Variants in GLIS1 observed in about 807,000 individuals in gnomAD.
GLIS1 encodes the protein zinc finger protein GLIS1.
Under a neutral mutation model 63.8 loss-of-function variants are expected in GLIS1, and 24 were observed. The observed-to-expected ratio is 0.38, with a 90% CI of 0.27 to 0.53. GLIS1 has a LOEUF of 0.53. GLIS1 is among the 20% of genes least tolerant of loss of function. The pLI, the probability that GLIS1 is intolerant of heterozygous loss-of-function variation, is 0.85. For synonymous variants in GLIS1, 450 were observed against 482.5 expected (o/e 0.93, Z 0.88); for missense variants, 1,036 against 1,074.1 (o/e 0.96, Z 0.50).
intron 4 of GLIS1, among the ~76,000 whole-genome samples, chr1:53,564,750 A>G (rs1035030284): frequency 2.6e-5 from 4 of 152,102 alleles, no homozygotes; most frequent in African/African-American, 9.6e-5. Context: ...ATTATTAGGG[A>G]TAGATTGATT....
At chr1:53,701,260 A>G (rs2088745269) in intron 2 of GLIS1, among the ~76,000 whole-genome samples, 1 of 152,178 alleles carries the variant, frequency 6.6e-6, no homozygotes, top group Non-Finnish European at 1.5e-5. Context: ...AAGGATTCCA[A>G]TTGTTCTACA....
chr1:53,513,697 T>G (rs1485428032), intron 8 of GLIS1, among the ~76,000 whole-genome samples: 1 of 152,180 alleles, frequency 6.6e-6, no homozygotes, highest in Non-Finnish European at 1.5e-5. Context: ...GCCAGAGTCA[T>G]CGAGGCACCA....
At position 53,594,940 on chromosome 1, in the gene GLIS1, T is replaced by G. The variant is rs61747131; in HGVS notation, c.488A>C (p.Gln163Pro). 8,304 of 1,483,544 alleles carry G rather than the reference T, an allele frequency of 5.6e-3. 361 individuals carry two copies. In the African/African-American group the frequency reaches 0.1, roughly 19 times the overall value. 91.9% of individuals were successfully genotyped at this position (1,483,544 alleles called of 1,614,324 possible). The change falls in exon 4 of 11, where the codon CAA (glutamine) becomes CCA (proline). Residue 163 changes from glutamine to proline, a missense_variant. Coordinates refer to ENST00000628545, the MANE Select transcript of GLIS1 (RefSeq NM_001367484.1). The part of the protein sequence containing the change: ...TYVNGSLPTT[Q>P]HIKQESLPDY... Reference sequence around the variant, plus strand: ...GGGCAAGGACTCCTGTTTGATGTGTTGTGTGGTTGGGAGGCTGCCGTTCAC... The same window carrying G: ...GGGCAAGGACTCCTGTTTGATGTGTGGTGTGGTTGGGAGGCTGCCGTTCAC...
chr1:53,577,781 T>C lies in GLIS1; in HGVS notation c.1320+16327A>G, dbSNP rs146887823. Among the ~76,000 whole-genome samples the C allele has an allele frequency of 6.4e-3, 977 of 152,188 alleles. 15 individuals carry two copies. Among genetic ancestry groups the C allele is most frequent in the African/African-American group, 0.022 (933 of 41,508 alleles). On this transcript the variant is annotated intron_variant, in intron 4 of 10. Coordinates refer to ENST00000628545, the MANE Select transcript of GLIS1 (RefSeq NM_001367484.1). ...TGGTCCCTGGAGCCTGCCAATATATTTCTGAGTGGGGATGCAGGGCTCACT... is the reference window on the plus strand; with the variant it reads ...TGGTCCCTGGAGCCTGCCAATATATCTCTGAGTGGGGATGCAGGGCTCACT...
At chr1:53,545,813 G>A (rs1410767586) in intron 4 of GLIS1, among the ~76,000 whole-genome samples, 6 of 152,218 alleles carry the variant, frequency 3.9e-5, no homozygotes, top group Admixed American at 3.9e-4. Flanking sequence ...TTCTTGCCTA[G>A]TGCTACGTGT....
chr1:53,737,780 A>G, intron 2 of GLIS1, 26 bp downstream of exon 2: 1 of 1,230,882 alleles, frequency 8.1e-7, no homozygotes, highest in Non-Finnish European at 1.0e-6. Context: ...AGGAGCCGCC[A>G]GGCACGTTGG....
chr1:53,708,790 T>G (rs1182475352), intron 2 of GLIS1, among the ~76,000 whole-genome samples: 1 of 152,124 alleles, frequency 6.6e-6, no homozygotes, highest in Non-Finnish European at 1.5e-5. Context: ...TAAAGTGCAC[T>G]CCATCCGGAA....
At chr1:53,719,261 C>T (rs1053514869) in intron 2 of GLIS1, among the ~76,000 whole-genome samples, 1 of 152,210 alleles carries the variant, frequency 6.6e-6, no homozygotes, top group African/African-American at 2.4e-5. Context: ...CACTGCTCGG[C>T]GTCCAGGGCT....
At chr1:53,695,606 C>A (rs935545701) in intron 2 of GLIS1, among the ~76,000 whole-genome samples, 1 of 152,184 alleles carries the variant, frequency 6.6e-6, no homozygotes, top group Non-Finnish European at 1.5e-5. Context: ...GGCCTCTTCC[C>A]TCCACCCTGT....
rs780870967 is a variant in GLIS1 at position 53,560,082 on chromosome 1, T to C, written c.1321-30130A>G. Among the ~76,000 whole-genome samples the C allele has an allele frequency of 6.6e-6, 1 of 152,162 alleles. No homozygotes were observed. Among genetic ancestry groups the C allele is most frequent in the Non-Finnish European group, 1.5e-5 (1 of 68,032 alleles). On this transcript the variant is annotated intron_variant, in intron 4 of 10. Coordinates refer to ENST00000628545, the MANE Select transcript of GLIS1 (RefSeq NM_001367484.1). The surrounding 1 kb of genome is among the most constrained non-coding windows in gnomAD (Gnocchi z 4.4). Reference sequence around the variant, plus strand: ...AGGCCCGTAGACTCCCACAGCTGCATGCCTAGCAGGATGAAGCACACACAC... The same window carrying C: ...AGGCCCGTAGACTCCCACAGCTGCACGCCTAGCAGGATGAAGCACACACAC...
At chr1:53,662,812 C>T (rs1396394671) in intron 2 of GLIS1, among the ~76,000 whole-genome samples, 2 of 152,196 alleles carry the variant, frequency 1.3e-5, no homozygotes, top group African/African-American at 2.4e-5. Flanking sequence ...ATAGTGACAA[C>T]TAATGCTTAC....
chr1:53,663,796 G>A (rs1227547784), intron 2 of GLIS1, among the ~76,000 whole-genome samples: 2 of 152,224 alleles, frequency 1.3e-5, no homozygotes, highest in Non-Finnish European at 2.9e-5. Context: ...GCTGAGCCAC[G>A]GCTCCCTCCA....
chr1:53,724,463 T>C (rs1646786283), intron 2 of GLIS1, among the ~76,000 whole-genome samples: 1 of 152,196 alleles, frequency 6.6e-6, no homozygotes, highest in Non-Finnish European at 1.5e-5. Context: ...TAAATAGCCA[T>C]AGTGTTTTTG....
chr1:53,525,324 G>A (rs1259524631), intron 5 of GLIS1, among the ~76,000 whole-genome samples: 1 of 150,504 alleles, frequency 6.6e-6, no homozygotes, highest in African/African-American at 2.4e-5. Context: ...CACAGGGCCA[G>A]GCTAGGCGGC....
chr1:53,518,865 G>A (rs1020020263), intron 7 of GLIS1, among the ~76,000 whole-genome samples: 2 of 152,230 alleles, frequency 1.3e-5, no homozygotes, highest in African/African-American at 2.4e-5. Flanking sequence ...GCCTGAGGCC[G>A]GCATCTGGGA....
At chr1:53,684,646 C>A (rs1328389999) in intron 2 of GLIS1, among the ~76,000 whole-genome samples, 2 of 152,216 alleles carry the variant, frequency 1.3e-5, no homozygotes, top group Non-Finnish European at 2.9e-5. Context: ...CTAGTGCCCA[C>A]AGGGTCACAT....
chr1:53,736,100 G>T (rs1201444173), intron 2 of GLIS1, among the ~76,000 whole-genome samples: 1 of 152,222 alleles, frequency 6.6e-6, no homozygotes, highest in Non-Finnish European at 1.5e-5. Flanking sequence ...GGGAGGCTAT[G>T]AAGAAAAGTT....
intron 4 of GLIS1, among the ~76,000 whole-genome samples, chr1:53,535,455 C>A (rs1020317409): frequency 5.3e-5 from 8 of 152,056 alleles, no homozygotes; most frequent in African/African-American, 1.7e-4. Context: ...GCACATATGG[C>A]CCTGAGTTGC....
chr1:53,628,952 C>A (rs1645624358), intron 2 of GLIS1, among the ~76,000 whole-genome samples: 1 of 152,142 alleles, frequency 6.6e-6, no homozygotes, highest in South Asian at 2.1e-4. Flanking sequence ...TCTGGCACAT[C>A]AGAACGACCT....
Sources: allele counts gnomAD v4.1 joint callset (sites outside exome capture counted in the v4.1 genomes callset), GRCh38; gene constraint gnomAD v4.1.1; non-coding constraint Gnocchi (gnomAD v3.1); transcripts MANE v1.5; gene names NCBI Gene and HGNC (gene_info 2026-07-23, HGNC 2026-07-21).